The following CTNNA3 variants were observed in gnomAD, a reference collection of about 807,000 sequenced individuals.
CTNNA3 encodes the protein catenin alpha 3, also known as catenin alpha-3.
Under a neutral mutation model 95.7 loss-of-function variants are expected in CTNNA3, and 76 were observed. That is an observed-to-expected ratio of 0.79 (90% confidence interval 0.66 to 0.96). The LOEUF (loss-of-function observed/expected upper bound fraction) is 0.96, where lower values mean the gene tolerates loss of function less well. CTNNA3 is among the 40% of genes least tolerant of loss of function. CTNNA3 has a pLI of 0.00. For missense variants in CTNNA3, 1,191 were observed against 1,089.8 expected, an observed-to-expected ratio of 1.09 and a Z score of -1.31; for synonymous variants, 431 against 374.4, an observed-to-expected ratio of 1.15 and a Z score of -1.74.
At chr10:66,074,512 C>G (rs2080508962) in intron 14 of CTNNA3, among the ~76,000 whole-genome samples, 1 of 151,850 alleles carries the variant, frequency 6.6e-6, no homozygotes, top group African/African-American at 2.4e-5. Context: ...AGGTAAATAT[C>G]TTGAGATATT....
At chr10:67,474,930 T>G (rs905971760) in intron 5 of CTNNA3, among the ~76,000 whole-genome samples, 14 of 152,182 alleles carry the variant, frequency 9.2e-5, no homozygotes, top group African/African-American at 2.9e-4. Flanking sequence ...TGGATATTTA[T>G]CCAAGTAAAA....
intron 7 of CTNNA3, among the ~76,000 whole-genome samples, chr10:66,913,952 C>T (rs569277990): frequency 1.2e-4 from 18 of 152,156 alleles, no homozygotes; most frequent in Non-Finnish European, 1.5e-4. Flanking sequence ...CACCCTTTCC[C>T]TGCCTTGCCC....
At chr10:66,329,702 T>A (rs889251032) in intron 12 of CTNNA3, among the ~76,000 whole-genome samples, 2 of 152,048 alleles carry the variant, frequency 1.3e-5, no homozygotes, top group Admixed American at 6.6e-5. Flanking sequence ...CGAGAAAAAT[T>A]TAATACTTTT....
At position 67,129,176 on chromosome 10, in the gene CTNNA3, T is replaced by C. The variant is rs139578280; in HGVS notation, c.1047+51141A>G. 1.1e-3 allele frequency among the ~76,000 whole-genome samples: 172 copies of C among 152,332 alleles called. 1 individual carries two copies. The highest frequency in any genetic ancestry group is 3.9e-3 in the African/African-American group (164 of 41,588). Reference sequence around the variant, plus strand: ...AATCTCTACATAGCACTTGCCTCTGTACTATGCCTGTGACAGTATTTCATA... The same window carrying C: ...AATCTCTACATAGCACTTGCCTCTGCACTATGCCTGTGACAGTATTTCATA... On this transcript the variant is annotated intron_variant, in intron 7 of 17. Transcript: ENST00000433211.
chr10:67,237,299 T>C (rs1238571670), intron 5 of CTNNA3, among the ~76,000 whole-genome samples: 1 of 151,188 alleles, frequency 6.6e-6, no homozygotes. Flanking sequence ...CCAAACATCA[T>C]GTGTTCTCAC....
At chr10:66,352,020 T>C (rs1335207408) in intron 12 of CTNNA3, among the ~76,000 whole-genome samples, 1 of 152,082 alleles carries the variant, frequency 6.6e-6, no homozygotes, top group Non-Finnish European at 1.5e-5. Context: ...ATGAAGTAAG[T>C]ACTATATGCC....
chr10:66,974,094 G>A (rs1028877719), intron 7 of CTNNA3, among the ~76,000 whole-genome samples: 1 of 152,110 alleles, frequency 6.6e-6, no homozygotes, highest in African/African-American at 2.4e-5. Flanking sequence ...TCTGTAGTCA[G>A]TCTTCTTATG....
intron 7 of CTNNA3, among the ~76,000 whole-genome samples, chr10:67,120,702 T>G (rs915239577): frequency 4.6e-5 from 7 of 152,020 alleles, no homozygotes; most frequent in African/African-American, 1.4e-4. Flanking sequence ...TGTATATATC[T>G]TGTTTATTGC....
intron 3 of CTNNA3, among the ~76,000 whole-genome samples, chr10:67,584,876 A>T (rs1350116546): frequency 6.6e-6 from 1 of 152,196 alleles, no homozygotes. Context: ...CATGTGCGGG[A>T]TATAATCTCC....
chr10:67,450,640 A>G (rs575400541), intron 5 of CTNNA3, among the ~76,000 whole-genome samples: 1 of 152,182 alleles, frequency 6.6e-6, no homozygotes, highest in East Asian at 1.9e-4. Flanking sequence ...GAGGGTAGAG[A>G]GTAGGAGGAG....
intron 12 of CTNNA3, among the ~76,000 whole-genome samples, chr10:66,306,928 G>A (rs780432188): frequency 6.6e-6 from 1 of 152,188 alleles, no homozygotes; most frequent in Non-Finnish European, 1.5e-5. Flanking sequence ...AAAGTTAATT[G>A]AAGTCTAATT....
intron 2 of CTNNA3, among the ~76,000 whole-genome samples, chr10:67,626,137 C>T (rs1564791905): frequency 2.0e-5 from 3 of 150,508 alleles, no homozygotes; most frequent in Non-Finnish European, 4.4e-5. Flanking sequence ...GCCATGATTA[C>T]ACCACTTCAC....
intron 5 of CTNNA3, among the ~76,000 whole-genome samples, chr10:67,438,669 G>A (rs1846388789): frequency 6.6e-6 from 1 of 152,160 alleles, no homozygotes; most frequent in African/African-American, 2.4e-5. Context: ...GCTTTGAATT[G>A]CTGGTGCCAC....
chr10:66,661,379 G>A (rs1423901375), intron 9 of CTNNA3, among the ~76,000 whole-genome samples: 1 of 152,062 alleles, frequency 6.6e-6, no homozygotes, highest in Non-Finnish European at 1.5e-5. Context: ...TCGCTATCAC[G>A]AGAATAGCAT....
intron 7 of CTNNA3, among the ~76,000 whole-genome samples, chr10:67,111,796 C>T (rs1383859992): frequency 6.6e-6 from 1 of 152,002 alleles, no homozygotes; most frequent in Non-Finnish European, 1.5e-5. Context: ...TAATTTAATA[C>T]ATGCAAAGTA....
intron 5 of CTNNA3, among the ~76,000 whole-genome samples, chr10:67,321,356 T>C (rs890356294): frequency 3.3e-5 from 5 of 152,208 alleles, no homozygotes; most frequent in Admixed American, 3.3e-4. Flanking sequence ...AAGGAGCCTC[T>C]GGAATTCCCA....
intron 2 of CTNNA3, among the ~76,000 whole-genome samples, chr10:67,644,804 TA>T (rs11303360): frequency 0.12 from 18,557 of 152,030 alleles, 2,101 homozygotes; most frequent in East Asian, 0.43. Context: ...GCTAAGACCA[TA>T]AAATCATTTT....
intron 5 of CTNNA3, among the ~76,000 whole-genome samples, chr10:67,342,377 C>T (rs906489705): frequency 3.3e-5 from 5 of 152,262 alleles, no homozygotes; most frequent in African/African-American, 4.8e-5. Context: ...GCTGGGATTA[C>T]AGGCGTGAGC....
intron 9 of CTNNA3, among the ~76,000 whole-genome samples, chr10:66,655,836 G>A (rs1201627258): frequency 6.6e-6 from 1 of 152,082 alleles, no homozygotes; most frequent in Non-Finnish European, 1.5e-5. Context: ...AATTTTAGGA[G>A]CAGTGATAGG....
Sources: gnomAD v4.1 joint callset for allele counts (sites outside exome capture counted in the v4.1 genomes callset) on GRCh38, gnomAD v4.1.1 for gene constraint, MANE v1.5 for transcripts, NCBI Gene and HGNC (gene_info 2026-07-23, HGNC 2026-07-21) for gene names.